CCSER1: variants seen among roughly 807,000 people sequenced by gnomAD.
The protein encoded by CCSER1 is coiled-coil serine rich protein 1.
A neutral mutation model predicts 82.0 loss-of-function variants in CCSER1; 41 were observed. That is an observed-to-expected ratio of 0.50 (90% CI 0.39 to 0.65). CCSER1 has a LOEUF of 0.65. Among genes scored for constraint, CCSER1 ranks in the 30% least tolerant of loss-of-function variants. The pLI is 0.00. For synonymous variants in CCSER1, 414 were observed against 383.9 expected (o/e 1.08, Z -0.92); for missense variants, 1,119 against 1,064.2 (o/e 1.05, Z -0.72).
At chr4:90,353,247 A>T (rs1579342216) in intron 3 of CCSER1, among the ~76,000 whole-genome samples, 1 of 152,188 alleles carries the variant, frequency 6.6e-6, no homozygotes, top group Non-Finnish European at 1.5e-5. Context: ...AGTAGCATAC[A>T]TATAGCTAGA....
chr4:91,437,237 G>A (rs913851355), intron 10 of CCSER1, among the ~76,000 whole-genome samples: 1 of 152,204 alleles, frequency 6.6e-6, no homozygotes, highest in Non-Finnish European at 1.5e-5. Context: ...CTAGGGTATT[G>A]ACTAGGGATT....
intron 3 of CCSER1, among the ~76,000 whole-genome samples, chr4:90,390,207 G>A (rs1750758665): frequency 6.6e-6 from 1 of 152,208 alleles, no homozygotes; most frequent in Non-Finnish European, 1.5e-5. Context: ...ACTGTTTAGT[G>A]TTCTGTAGAC....
intron 10 of CCSER1, among the ~76,000 whole-genome samples, chr4:91,520,773 T>C (rs1760415751): frequency 1.3e-5 from 2 of 152,202 alleles, no homozygotes; most frequent in African/African-American, 4.8e-5. Flanking sequence ...ATTTGTACTT[T>C]TGTTTTTGCT....
intron 1 of CCSER1, among the ~76,000 whole-genome samples, chr4:90,222,279 T>G (rs1375732558): frequency 6.6e-6 from 1 of 152,220 alleles, no homozygotes; most frequent in African/African-American, 2.4e-5. Context: ...ATAATTATAA[T>G]TTAAAATATA....
Position 91,124,274 on chromosome 4 carries a change from G to A in CCSER1, c.2217+38280G>A, listed in dbSNP as rs532937557. Among the ~76,000 whole-genome samples, 9 of 151,690 alleles carry A rather than the reference G, an allele frequency of 5.9e-5. No homozygotes were observed. The East Asian group carries it at 1.7e-3, about 29-fold the overall frequency. On this transcript the variant is annotated intron_variant, in intron 10 of 10. Coordinates refer to ENST00000509176, the MANE Select transcript of CCSER1 (RefSeq NM_001145065.2). ...CTCTTTAGAAGAGAGTTACATCTGTGCAACCAAACATAGTGTAAATAAAAC... is the reference window on the plus strand; with the variant it reads ...CTCTTTAGAAGAGAGTTACATCTGTACAACCAAACATAGTGTAAATAAAAC...
chr4:90,224,777 A>T (rs969081283), intron 1 of CCSER1, among the ~76,000 whole-genome samples: 3 of 152,226 alleles, frequency 2.0e-5, no homozygotes, highest in Admixed American at 6.5e-5. Flanking sequence ...AAACTGATGC[A>T]GAGGGATGTG....
rs534062137 is a variant in CCSER1, at chr4:90,992,876, AT to A, written c.2172+69430del. ...TGCTACAATCTTATGTAACCATCTA[AT>A]CATATACCCAAATCATATCCATTCT... is the stretch of plus-strand genomic sequence containing the variant. On this transcript the variant is annotated intron_variant, in intron 9 of 10. Coordinates refer to ENST00000509176, the MANE Select transcript of CCSER1 (RefSeq NM_001145065.2). 1.6e-4 allele frequency among the ~76,000 whole-genome samples: 24 copies of A among 152,090 alleles called. 1 individual carries two copies. In the South Asian group the frequency reaches 4.8e-3, roughly 30 times the overall value.
chr4:91,149,605 G>A (rs868746020), intron 10 of CCSER1, among the ~76,000 whole-genome samples: 11 of 152,218 alleles, frequency 7.2e-5, no homozygotes, highest in Middle Eastern at 3.4e-3. Flanking sequence ...AGTTTTTATC[G>A]TTTTAGGTCT....
At chr4:90,300,933 C>T (rs1484279108) in intron 1 of CCSER1, among the ~76,000 whole-genome samples, 1 of 152,156 alleles carries the variant, frequency 6.6e-6, no homozygotes, top group Non-Finnish European at 1.5e-5. Flanking sequence ...TCATGTGATC[C>T]TCCCACTTCA....
chr4:90,755,156 G>A (rs1749294961), intron 7 of CCSER1, among the ~76,000 whole-genome samples: 2 of 152,108 alleles, frequency 1.3e-5, no homozygotes, highest in Admixed American at 1.3e-4. Context: ...CTGCAAATAA[G>A]CCTAGAAAAT....
At chr4:91,216,927 A>AGATTTAG (rs1377638509) in intron 10 of CCSER1, among the ~76,000 whole-genome samples, 2 of 152,172 alleles carry the variant, frequency 1.3e-5, no homozygotes, top group African/African-American at 4.8e-5. Flanking sequence ...GATTAAGCCA[A>AGATTTAG]GATTTAGGGG....
intron 3 of CCSER1, among the ~76,000 whole-genome samples, chr4:90,360,286 T>G (rs1321792714): frequency 1.4e-5 from 2 of 147,182 alleles, no homozygotes; most frequent in African/African-American, 4.9e-5. Context: ...CTCAGCCCTT[T>G]GGGAGGCCGA....
chr4:91,112,307 A>C (rs1726162358), intron 10 of CCSER1, among the ~76,000 whole-genome samples: 1 of 151,620 alleles, frequency 6.6e-6, no homozygotes, highest in African/African-American at 2.4e-5. Context: ...TCTTTTTCTG[A>C]GTAATCTCAT....
chr4:90,588,649 C>T (rs1782304857), intron 5 of CCSER1, among the ~76,000 whole-genome samples: 1 of 152,164 alleles, frequency 6.6e-6, no homozygotes. Context: ...TGTAGCTCCC[C>T]TAATTCCCAT....
At chr4:91,027,494 T>C (rs1433806501) in intron 9 of CCSER1, among the ~76,000 whole-genome samples, 1 of 152,070 alleles carries the variant, frequency 6.6e-6, no homozygotes, top group African/African-American at 2.4e-5. Flanking sequence ...ATAAAGACAG[T>C]ATATATGTTT....
At chr4:90,666,295 C>A (rs981715920) in intron 6 of CCSER1, among the ~76,000 whole-genome samples, 3 of 151,946 alleles carry the variant, frequency 2.0e-5, no homozygotes. Context: ...TTACTAAGTC[C>A]TTTTTGCCAT....
intron 5 of CCSER1, among the ~76,000 whole-genome samples, chr4:90,542,643 T>A (rs1776254964): frequency 6.6e-6 from 1 of 152,156 alleles, no homozygotes; most frequent in South Asian, 2.1e-4. Flanking sequence ...TTTAGTAGAC[T>A]TAAGAGTTAT....
intron 9 of CCSER1, among the ~76,000 whole-genome samples, chr4:90,948,875 A>G (rs755867366): frequency 6.6e-6 from 1 of 152,084 alleles, no homozygotes; most frequent in Admixed American, 6.5e-5. Context: ...TCCTTAGGCT[A>G]TGAACCATAT....
chr4:90,208,943 G>A lies in CCSER1; in HGVS notation c.-42+81112G>A, dbSNP rs1034313864. ...TGGGAGCTGCAGACCGGAGCCGTTC[G>A]TATTTGGCCATCTTGCCAGCCACCG... is the stretch of plus-strand genomic sequence containing the variant. On this transcript the variant is annotated intron_variant, in intron 1 of 10. Transcript: ENST00000509176. Among the ~76,000 whole-genome samples, 10 of 152,206 alleles carry A rather than the reference G, an allele frequency of 6.6e-5. No homozygotes were observed. The East Asian group carries it at 7.7e-4, about 12-fold the overall frequency.
Sources: allele counts gnomAD v4.1 joint callset (sites outside exome capture counted in the v4.1 genomes callset), GRCh38; gene constraint gnomAD v4.1.1; transcripts MANE v1.5; gene names NCBI Gene and HGNC (gene_info 2026-07-23, HGNC 2026-07-21).